CWH43: variants seen among roughly 807,000 people sequenced by gnomAD.
CWH43 encodes the protein PGAP2-interacting protein.
Under a neutral mutation model 85.7 loss-of-function variants are expected in CWH43, and 91 were observed. The ratio of observed to expected loss-of-function variants is 1.06; its 90% CI spans 0.90 to 1.26. The LOEUF (loss-of-function observed/expected upper bound fraction) is 1.26, where lower values mean the gene tolerates loss of function less well. Ranked by LOEUF, CWH43 falls within the 50% of genes most tolerant of loss-of-function variation. The pLI is 0.00. For missense variants in CWH43, 869 were observed against 839.2 expected (o/e 1.04, Z -0.44); for synonymous variants, 323 against 293.6 (o/e 1.10, Z -1.02).
chr4:49,026,771 C>T (rs1199366332), intron 9 of CWH43, among the ~76,000 whole-genome samples: 1 of 152,132 alleles, frequency 6.6e-6, no homozygotes. Flanking sequence ...ACTACATTTT[C>T]TTTATCCAGT....
chr4:49,023,350 G>C lies in CWH43; in HGVS notation c.1267-5279G>C, dbSNP rs539885445. On this transcript the variant is annotated intron_variant, in intron 9 of 15. Coordinates refer to ENST00000226432, the MANE Select transcript of CWH43 (RefSeq NM_025087.3). ...TCTATATATTTGCATGGTTTTGAAG[G>C]TTCCTTTTGAAGTTGATTTCCAATT... is the stretch of plus-strand genomic sequence containing the variant. Among the ~76,000 whole-genome samples, 18 of 152,172 alleles carry C rather than the reference G, an allele frequency of 1.2e-4. No homozygotes were observed. The East Asian group carries it at 3.5e-3, about 29-fold the overall frequency.
At chr4:49,016,413 G>A (rs1321311962) in intron 8 of CWH43, among the ~76,000 whole-genome samples, 1 of 152,082 alleles carries the variant, frequency 6.6e-6, no homozygotes, top group Non-Finnish European at 1.5e-5. Flanking sequence ...AGAAGGGAGA[G>A]GATGGTTTAT....
chr4:49,012,186 T>G (rs551713729), intron 8 of CWH43, among the ~76,000 whole-genome samples: 1 of 152,336 alleles, frequency 6.6e-6, no homozygotes, highest in Non-Finnish European at 1.5e-5. Flanking sequence ...TCACTCTTTT[T>G]TCTCTAAACT....
chr4:49,046,390 C>A (rs373130588), intron 14 of CWH43, among the ~76,000 whole-genome samples: 1 of 151,306 alleles, frequency 6.6e-6, no homozygotes, highest in Non-Finnish European at 1.5e-5. Context: ...GTGTTGTTCT[C>A]GGGAGTGGGA....
chr4:49,060,897 C>T (rs1434683927), intron 15 of CWH43, among the ~76,000 whole-genome samples: 4 of 152,102 alleles, frequency 2.6e-5, no homozygotes, highest in East Asian at 1.9e-4. Context: ...TATGTATGTG[C>T]GTATATCTGT....
chr4:49,012,309 G>A (rs1333731842), intron 8 of CWH43, among the ~76,000 whole-genome samples: 1 of 152,098 alleles, frequency 6.6e-6, no homozygotes, highest in African/African-American at 2.4e-5. Context: ...TTGTGCCATT[G>A]TTTTCAACTC....
chr4:49,023,879 ATTGT>A (rs981966677), intron 9 of CWH43, among the ~76,000 whole-genome samples: 13 of 152,098 alleles, frequency 8.5e-5, no homozygotes, highest in African/African-American at 2.2e-4. Context: ...GTTCTAGGGT[ATTGT>A]TTAAGTGTTT....
In CWH43 at chr4:49,050,947, C is replaced by T. The variant is rs151063792; in HGVS notation, c.2021+98C>T. ...AATGAGCTAGAAATTATATTTTGTC[C>T]TAGAGGTTTATTCCAGGTAAGGGAG... is the stretch of plus-strand genomic sequence containing the variant. On this transcript the variant is annotated intron_variant, in intron 15 of 15. Transcript: ENST00000226432. The T allele has an allele frequency of 1.5e-3, 1,386 of 923,780 alleles. 13 individuals are homozygous for T. In the African/African-American group the frequency reaches 0.02, roughly 14 times the overall value. 57.2% of individuals were successfully genotyped at this position (923,780 alleles called of 1,614,324 possible).
chr4:49,032,843 G>T, intron 12 of CWH43, 128 bp downstream of exon 12: 2 of 1,186,728 alleles, frequency 1.7e-6, no homozygotes, highest in Non-Finnish European at 2.4e-6. Context: ...TTCTCCCTGC[G>T]TTGCTGGTTT....
At chr4:49,047,502 G>A (rs1447023286) in intron 14 of CWH43, among the ~76,000 whole-genome samples, 1 of 152,156 alleles carries the variant, frequency 6.6e-6, no homozygotes, top group Admixed American at 6.5e-5. Flanking sequence ...TAAGTAGGGA[G>A]CTGGGTAGGT....
chr4:49,040,858 A>G (rs889819529), intron 13 of CWH43, among the ~76,000 whole-genome samples: 24 of 152,244 alleles, frequency 1.6e-4, no homozygotes, highest in Middle Eastern at 3.4e-3. Flanking sequence ...GTTTTCTTCT[A>G]GGGTTTTTAT....
intron 15 of CWH43, among the ~76,000 whole-genome samples, chr4:49,051,642 T>C (rs1784801395): frequency 6.6e-6 from 1 of 152,162 alleles, no homozygotes; most frequent in Non-Finnish European, 1.5e-5. Flanking sequence ...AGTGGCATGA[T>C]CTCAGCTCAC....
intron 14 of CWH43, 142 bp downstream of exon 14, chr4:49,044,989 T>G: frequency 1.6e-6 from 1 of 638,608 alleles, no homozygotes; most frequent in Non-Finnish European, 2.7e-6. Context: ...TAAACATTGA[T>G]TTGACTATAC....
At chr4:49,055,369 T>A (rs1345620556) in intron 15 of CWH43, among the ~76,000 whole-genome samples, 2 of 152,180 alleles carry the variant, frequency 1.3e-5, no homozygotes, top group Non-Finnish European at 2.9e-5. Context: ...TTGATCAGGG[T>A]GTATGATCCT....
In CWH43 at chr4:49,061,943, T is replaced by C. The variant is rs1785175306; in HGVS notation, c.*53T>C. ...GGGAAAATCTAAGAAAAAAAGTATG[T>C]AAGATAAAAAGAAGAGATTAATGAA... On this transcript the variant is annotated 3_prime_UTR_variant, in exon 16 of 16. Transcript: ENST00000226432. The C allele has an allele frequency of 4.0e-6, 5 of 1,237,850 alleles. No homozygotes were observed. Among genetic ancestry groups the C allele is most frequent in the Non-Finnish European group, 5.3e-6 (5 of 937,822 alleles). 76.7% of individuals were successfully genotyped at this position (1,237,850 alleles called of 1,614,324 possible).
Position 48,986,390 on chromosome 4 carries a change from C to G in CWH43, c.-40C>G. The G allele has an allele frequency of 6.5e-7, 1 of 1,544,486 alleles. No homozygotes were observed. The highest frequency in any genetic ancestry group is 1.2e-5 in the South Asian group (1 of 83,494). On this transcript the variant is annotated 5_prime_UTR_variant, in exon 1 of 16. Coordinates refer to ENST00000226432, the MANE Select transcript of CWH43 (RefSeq NM_025087.3). ...CAGGGCTAGGGCAGCGGGCCCGACCCGCACGGCTTTCCTGGAAAGCGCTGC... is the reference window on the plus strand; with the variant it reads ...CAGGGCTAGGGCAGCGGGCCCGACCGGCACGGCTTTCCTGGAAAGCGCTGC...
chr4:49,011,417 G>C (rs1343232577), intron 8 of CWH43, among the ~76,000 whole-genome samples: 2 of 152,074 alleles, frequency 1.3e-5, no homozygotes, highest in East Asian at 3.9e-4. Context: ...AATGGGTCTT[G>C]ACTATCCAAT....
At chr4:49,021,778 A>G (rs1270270987) in intron 9 of CWH43, among the ~76,000 whole-genome samples, 1 of 152,096 alleles carries the variant, frequency 6.6e-6, no homozygotes, top group Non-Finnish European at 1.5e-5. Flanking sequence ...TTGGTTAAGT[A>G]TATTCCTAAA....
chr4:49,060,134 A>G (rs575552042), intron 15 of CWH43, among the ~76,000 whole-genome samples: 22 of 151,888 alleles, frequency 1.4e-4, no homozygotes, highest in African/African-American at 4.8e-4. Context: ...GGAACTGGCA[A>G]TGCTGTCCTG....
Sources: gnomAD v4.1 joint callset for allele counts (sites outside exome capture counted in the v4.1 genomes callset) on GRCh38, gnomAD v4.1.1 for gene constraint, MANE v1.5 for transcripts, NCBI Gene and HGNC (gene_info 2026-07-23, HGNC 2026-07-21) for gene names.